Variants in TAF1 observed in about 807,000 individuals in gnomAD.
TAF1 encodes the protein transcription initiation factor TFIID subunit 1.
TAF1 carries 2 observed loss-of-function variants against 138.5 expected under a neutral mutation model. That is an observed-to-expected ratio of 0.01 (90% CI 0.01 to 0.05). TAF1 has a LOEUF of 0.05. TAF1 is among the 10% of genes least tolerant of loss of function. The probability of loss-of-function intolerance (pLI) is 1.00; values close to 1 mark genes in which losing one functional copy is unlikely to be tolerated. For synonymous variants in TAF1, 437 were observed against 503.2 expected (o/e 0.87, Z 1.76); for missense variants, 709 against 1,478.0 (o/e 0.48, Z 8.53).
intron 18 of TAF1, among the ~76,000 whole-genome samples, chrX:71,391,102 G>C (rs761840254): frequency 7.4e-4 from 83 of 111,661 alleles, no homozygotes; most frequent in Non-Finnish European, 1.2e-3. Flanking sequence ...AAAGTGTTGG[G>C]ATGATAGGCA....
At chrX:71,372,924 T>C (rs2033182752) in intron 3 of TAF1, among the ~76,000 whole-genome samples, 1 of 111,360 alleles carries the variant, frequency 9.0e-6, no homozygotes, top group African/African-American at 3.3e-5. Flanking sequence ...TGGAGTGCAG[T>C]GGCGCGATCT....
At chrX:71,434,291 T>C (rs2037032034) in intron 32 of TAF1, among the ~76,000 whole-genome samples, 1 of 112,514 alleles carries the variant, frequency 8.9e-6, no homozygotes, top group African/African-American at 3.2e-5. Flanking sequence ...ACAAAGTCCA[T>C]GTGGACTTTA....
chrX:71,452,213 C>T (rs1414238490), intron 32 of TAF1, among the ~76,000 whole-genome samples: 1 of 110,190 alleles, frequency 9.1e-6, no homozygotes, highest in African/African-American at 3.3e-5. Context: ...AGATGCTCCT[C>T]ACTTCCCAGA....
chrX:71,379,534 A>AT (rs747985099), intron 8 of TAF1, among the ~76,000 whole-genome samples: 19 of 108,512 alleles, frequency 1.8e-4, no homozygotes, highest in Admixed American at 9.0e-4. Context: ...AGTCCATGTA[A>AT]TTTTTTGCCC....
At chrX:71,519,556 T>TGCCG (rs2039890681) in intron 13 of TAF1, among the ~76,000 whole-genome samples, 4 of 103,247 alleles carry the variant, frequency 3.9e-5, no homozygotes, top group African/African-American at 1.4e-4. Context: ...GGCAGGAGAA[T>TGCCG]GGCATGAACC....
At position 71,383,022 on chromosome X, in the gene TAF1, C is replaced by T; in HGVS notation, c.1805C>T (p.Pro602Leu). The T allele has an allele frequency of 8.3e-7, 1 of 1,209,534 alleles. No individual in the cohort carries two copies. The highest frequency in any genetic ancestry group is 1.1e-6 in the Non-Finnish European group (1 of 894,916). The change falls in exon 12 of 38, where the codon CCC (proline) becomes CTC (leucine). Residue 602 changes from proline (P) to leucine (L), a missense_variant. Around this residue, in one of 14 missense-constraint regions of TAF1, gnomAD observed 201 missense variants for 421.3 expected, o/e 0.48. Transcript: ENST00000423759. The part of the protein sequence containing the change: ...HSIPAVELRQ[P>L]FFPTHMGPIK... ...ATTCCTGCTGTGGAATTACGGCAGC[C>T]CTTCTTTCCCACCCACATGGGGCCC...
chrX:71,381,970 T>A (rs1359962797), intron 9 of TAF1, 51 bp downstream of exon 9: 1 of 1,098,918 alleles, frequency 9.1e-7, no homozygotes, highest in African/African-American at 1.9e-5. Flanking sequence ...AACTTGCTGT[T>A]AATGTCAACG....
intron 28 of TAF1, among the ~76,000 whole-genome samples, chrX:71,409,598 T>C (rs2035661304): frequency 1.8e-5 from 2 of 111,614 alleles, no homozygotes; most frequent in South Asian, 7.5e-4. Flanking sequence ...TGAGTTACCA[T>C]AGACAAGTTA....
At chrX:71,467,382 A>T (rs999454432), downstream of TAF1, among the ~76,000 whole-genome samples, 9 of 110,761 alleles carry the variant, frequency 8.1e-5, no homozygotes, top group Non-Finnish European at 1.3e-4. Flanking sequence ...AGTAGGGACT[A>T]CAGGTGCATG....
At position 71,419,116 on chromosome X, in the gene TAF1, C is replaced by T. The variant is rs976097496; in HGVS notation, c.4385-2193C>T. On this transcript the variant is annotated intron_variant, in intron 28 of 37. Transcript: ENST00000423759. ...TTGTATTAACCCGATGTTATTAGAA[C>T]ACCACAAACCGTAAATTCTACAAAC... Among the ~76,000 whole-genome samples, 8 of 111,762 alleles carry T rather than the reference C, an allele frequency of 7.2e-5. No homozygotes were observed. In the Admixed American group the frequency reaches 7.6e-4, roughly 11 times the overall value.
intron 32 of TAF1, among the ~76,000 whole-genome samples, chrX:71,447,540 T>TA (rs2037749683): frequency 1.8e-5 from 2 of 110,284 alleles, no homozygotes; most frequent in Non-Finnish European, 3.8e-5. Context: ...CTGTCTCTGC[T>TA]AAAAAATTAG....
At chrX:71,495,046 C>A (rs1002537274) in intron 13 of TAF1, among the ~76,000 whole-genome samples, 1 of 111,698 alleles carries the variant, frequency 9.0e-6, no homozygotes, top group Admixed American at 9.5e-5. Context: ...TTCTCCAAGT[C>A]CCCACTCGAC....
chrX:71,427,169 G>A (rs1271371723), intron 32 of TAF1, among the ~76,000 whole-genome samples: 1 of 112,181 alleles, frequency 8.9e-6, no homozygotes, highest in Non-Finnish European at 1.9e-5. Context: ...AGCAGGGCAA[G>A]TTCAGGGAAC....
At chrX:71,417,175 G>C (rs1472032348) in intron 28 of TAF1, among the ~76,000 whole-genome samples, 1 of 109,713 alleles carries the variant, frequency 9.1e-6, no homozygotes, top group Non-Finnish European at 1.9e-5. Flanking sequence ...GGGTTAATAT[G>C]GGAGTGGAAC....
At chrX:71,518,604 G>C (rs1446492752) in intron 13 of TAF1, among the ~76,000 whole-genome samples, 1 of 110,363 alleles carries the variant, frequency 9.1e-6, no homozygotes, top group East Asian at 2.8e-4. Flanking sequence ...AAGTCTGATT[G>C]CAAGTGTTAA....
chrX:71,508,059 A>G (rs1311009678), intron 13 of TAF1, among the ~76,000 whole-genome samples: 1 of 94,734 alleles, frequency 1.1e-5, no homozygotes, highest in Non-Finnish European at 2.1e-5. Context: ...CTATACATAT[A>G]TGAATATTCT....
At chrX:71,447,891 C>T (rs1401339099) in intron 32 of TAF1, among the ~76,000 whole-genome samples, 1 of 110,555 alleles carries the variant, frequency 9.0e-6, no homozygotes, top group African/African-American at 3.3e-5. Flanking sequence ...CATTTGAATT[C>T]GAATTGTATG....
At chrX:71,422,217 A>G (rs192747842) in intron 29 of TAF1, among the ~76,000 whole-genome samples, 11 of 111,601 alleles carry the variant, frequency 9.9e-5, no homozygotes, top group East Asian at 2.8e-4. Context: ...GTGGGGAGCT[A>G]TGATGTTGAC....
Position 71,423,771 on chromosome X carries a change from GT to G in TAF1, c.4576-198del, listed in dbSNP as rs761836979. 4.5e-5 allele frequency among the ~76,000 whole-genome samples: 5 copies of G among 111,837 alleles called. No individual in the cohort carries two copies. In the East Asian group the frequency reaches 1.1e-3, roughly 25 times the overall value. On this transcript the variant is annotated intron_variant, in intron 30 of 37. Transcript: ENST00000423759. Reference sequence around the variant, plus strand: ...TTTTAATTATGACTATACAGCAAGTGTTTTTATCCTATCATGGCATAGAAAT... The same window carrying G: ...TTTTAATTATGACTATACAGCAAGTGTTTTATCCTATCATGGCATAGAAAT...
Sources: allele counts gnomAD v4.1 joint callset (sites outside exome capture counted in the v4.1 genomes callset), GRCh38; gene constraint gnomAD v4.1.1; regional missense constraint gnomAD v4.1.1; transcripts MANE v1.5; gene names NCBI Gene and HGNC (gene_info 2026-07-23, HGNC 2026-07-21).